The following CDH13 variants were observed in gnomAD, a reference collection of about 807,000 sequenced individuals.
CDH13 encodes the protein cadherin 13.
A neutral mutation model predicts 63.8 loss-of-function variants in CDH13; 24 were observed. The observed-to-expected ratio is 0.38, with a 90% CI of 0.27 to 0.53. The LOEUF is 0.53. CDH13 is among the 20% of genes least tolerant of loss of function. The pLI is 0.85. For synonymous variants in CDH13, 503 were observed against 355.3 expected, an observed-to-expected ratio of 1.42 and a Z score of -4.67; for missense variants, 1,049 against 903.1, an observed-to-expected ratio of 1.16 and a Z score of -2.07.
At chr16:83,067,304 C>T (rs1303786992) in intron 3 of CDH13, among the ~76,000 whole-genome samples, 1 of 152,088 alleles carries the variant, frequency 6.6e-6, no homozygotes, top group Admixed American at 6.6e-5. Context: ...GGGCTGAGAA[C>T]TGAGGAATAC....
intron 1 of CDH13, among the ~76,000 whole-genome samples, chr16:82,854,366 A>C (rs2039606454): frequency 7.1e-6 from 1 of 139,998 alleles, no homozygotes; most frequent in Non-Finnish European, 1.5e-5. Context: ...GTGCCACTGC[A>C]CTCCAACCTG....
chr16:82,729,425 C>T (rs1360732126), intron 1 of CDH13, among the ~76,000 whole-genome samples: 2 of 152,198 alleles, frequency 1.3e-5, no homozygotes, highest in African/African-American at 2.4e-5. Flanking sequence ...TAGTCTCGTA[C>T]ATCTCTATTA....
chr16:82,913,218 G>C (rs7206755), intron 2 of CDH13, among the ~76,000 whole-genome samples: 2,709 of 152,242 alleles, frequency 0.018, 82 homozygotes, highest in African/African-American at 0.062. Context: ...ATGAATTGGA[G>C]TTTACCTATT....
intron 1 of CDH13, among the ~76,000 whole-genome samples, chr16:82,660,307 A>G (rs780409990): frequency 2.6e-5 from 4 of 152,182 alleles, no homozygotes; most frequent in Non-Finnish European, 5.9e-5. Context: ...GAGCATGGAA[A>G]TTGGGTCTTA....
At chr16:82,655,977 G>A (rs1485818967) in intron 1 of CDH13, among the ~76,000 whole-genome samples, 2 of 152,046 alleles carry the variant, frequency 1.3e-5, no homozygotes, top group Middle Eastern at 3.2e-3. Flanking sequence ...TTGAACCAGT[G>A]GCATGTCTCA....
chr16:82,662,576 A>C (rs911134572), intron 1 of CDH13, among the ~76,000 whole-genome samples: 1 of 152,228 alleles, frequency 6.6e-6, no homozygotes, highest in Non-Finnish European at 1.5e-5. Context: ...ATCCATCCCC[A>C]CCACTATCAG....
intron 1 of CDH13, among the ~76,000 whole-genome samples, chr16:82,795,944 CTTTT>C (rs74501986): frequency 4.4e-5 from 6 of 136,198 alleles, no homozygotes; most frequent in Non-Finnish European, 6.3e-5. Context: ...ACCCTTCATT[CTTTT>C]TTTTTTTTTT....
chr16:82,941,066 G>T (rs1193311268), intron 2 of CDH13, among the ~76,000 whole-genome samples: 2 of 152,100 alleles, frequency 1.3e-5, no homozygotes, highest in Non-Finnish European at 1.5e-5. Flanking sequence ...ATAGGAAAAT[G>T]GTCAAATGAA....
rs776753234 is a variant in CDH13 at position 83,779,990 on chromosome 16, T to C, written c.1704T>C (p.Thr568=). Residue 568 remains threonine, a synonymous_variant, in exon 12 of 14, where the codon ACT becomes ACC. Coordinates refer to ENST00000567109, the MANE Select transcript of CDH13 (RefSeq NM_001257.5). ...CAGGCAACCCTCCCGCTACGGGCAC[T>C]GGGACTTTGCTGATAACCCTGGAGG... ...IDSGNPPATG[T]GTLLITLEDV... 6.2e-7 allele frequency: 1 copy of C among 1,611,634 alleles called. No individual in the cohort carries two copies. The highest frequency in any genetic ancestry group is 1.7e-5 in the Admixed American group (1 of 59,994).
chr16:83,288,795 C>T (rs995442744), intron 5 of CDH13, among the ~76,000 whole-genome samples: 1 of 152,226 alleles, frequency 6.6e-6, no homozygotes, highest in Non-Finnish European at 1.5e-5. Flanking sequence ...AGTGCAATCA[C>T]TTGAAATGTA....
At chr16:83,080,201 T>G (rs1339987251) in intron 3 of CDH13, among the ~76,000 whole-genome samples, 2 of 152,118 alleles carry the variant, frequency 1.3e-5, no homozygotes, top group Non-Finnish European at 2.9e-5. Context: ...GAAAGAGCCC[T>G]TCAGCTCATT....
chr16:83,711,187 C>T (rs912273065), intron 10 of CDH13, among the ~76,000 whole-genome samples: 1 of 152,182 alleles, frequency 6.6e-6, no homozygotes, highest in African/African-American at 2.4e-5. Flanking sequence ...GATTTTGAAG[C>T]TATCCCATTA....
chr16:82,679,284 T>C (rs372168293), intron 1 of CDH13, among the ~76,000 whole-genome samples: 114 of 152,270 alleles, frequency 7.5e-4, no homozygotes, highest in African/African-American at 2.6e-3. Context: ...TGGGAAGCTG[T>C]TGTTGATCAC....
chr16:82,949,012 G>T (rs1393259934), intron 2 of CDH13, among the ~76,000 whole-genome samples: 1 of 152,148 alleles, frequency 6.6e-6, no homozygotes, highest in East Asian at 1.9e-4. Context: ...CATTGTGAGA[G>T]AGTTTTCAAA....
intron 7 of CDH13, among the ~76,000 whole-genome samples, chr16:83,493,590 A>T (rs967300068): frequency 6.6e-6 from 1 of 152,186 alleles, no homozygotes; most frequent in African/African-American, 2.4e-5. Context: ...GGCATGGACA[A>T]AGGCATGGCA....
chr16:83,091,174 C>G (rs988368592), intron 3 of CDH13, among the ~76,000 whole-genome samples: 11 of 151,988 alleles, frequency 7.2e-5, no homozygotes, highest in African/African-American at 2.7e-4. Context: ...TCCTTTCTCT[C>G]TCTTCTTCTT....
At chr16:82,801,533 G>A (rs1341204453) in intron 1 of CDH13, among the ~76,000 whole-genome samples, 1 of 152,170 alleles carries the variant, frequency 6.6e-6, no homozygotes, top group Non-Finnish European at 1.5e-5. Flanking sequence ...CAGATGTGAA[G>A]CCACAAACGG....
intron 7 of CDH13, among the ~76,000 whole-genome samples, chr16:83,560,628 T>C (rs765359508): frequency 1.3e-5 from 2 of 152,210 alleles, no homozygotes; most frequent in Non-Finnish European, 2.9e-5. Flanking sequence ...TTCTCTGTAA[T>C]GTTGATGAGA....
chr16:83,412,782 A>G (rs1477369559), intron 6 of CDH13, among the ~76,000 whole-genome samples: 1 of 152,252 alleles, frequency 6.6e-6, no homozygotes, highest in Non-Finnish European at 1.5e-5. Context: ...TTCCACGTGC[A>G]CATAAGCCAT....
Sources: gnomAD v4.1 joint callset for allele counts (sites outside exome capture counted in the v4.1 genomes callset) on GRCh38, gnomAD v4.1.1 for gene constraint, MANE v1.5 for transcripts, NCBI Gene and HGNC (gene_info 2026-07-23, HGNC 2026-07-21) for gene names.